MAN2A1: variants seen among roughly 807,000 people sequenced by gnomAD.
MAN2A1 encodes the protein alpha-mannosidase 2.
Under a neutral mutation model 142.6 loss-of-function variants are expected in MAN2A1, and 76 were observed. That is an observed-to-expected ratio of 0.53 (90% CI 0.44 to 0.65). MAN2A1 has a LOEUF of 0.65. Among genes scored for constraint, MAN2A1 ranks in the 30% least tolerant of loss-of-function variants. The pLI is 0.00. For synonymous variants in MAN2A1, 559 were observed against 473.2 expected, an observed-to-expected ratio of 1.18 and a Z score of -2.35; for missense variants, 1,311 against 1,365.1, an observed-to-expected ratio of 0.96 and a Z score of 0.62.
chr5:109,732,002 T>C (rs964731680), intron 4 of MAN2A1, among the ~76,000 whole-genome samples: 7 of 152,062 alleles, frequency 4.6e-5, no homozygotes, highest in Non-Finnish European at 1.0e-4. Flanking sequence ...TTCCCATTTC[T>C]CCACATCCTC....
rs988846301 is a variant in MAN2A1 at position 109,865,844 on chromosome 5, A to G, written c.3282+698A>G. Among the ~76,000 whole-genome samples, 4 of 152,268 alleles carry G rather than the reference A, an allele frequency of 2.6e-5. No homozygotes were observed. The East Asian group carries it at 5.8e-4, about 22-fold the overall frequency. On this transcript the variant is annotated intron_variant, in intron 21 of 21. Transcript: ENST00000261483. ...GTCCTTGAAAGGAAACAAACCTCCA[A>G]TCTCCTGCCTCTGTCACTGAAAGGG...
chr5:109,746,040 T>C (rs1006961197), intron 4 of MAN2A1, among the ~76,000 whole-genome samples: 1 of 152,248 alleles, frequency 6.6e-6, no homozygotes, highest in East Asian at 1.9e-4. Flanking sequence ...AGTATTGCAG[T>C]CTTGGCTCAC....
At position 109,833,446 on chromosome 5, in the gene MAN2A1, T is replaced by C. The variant is rs554800720; in HGVS notation, c.2567-8882T>C. On this transcript the variant is annotated intron_variant, in intron 16 of 21. Transcript: ENST00000261483. The stretch of plus-strand genomic sequence containing the variant: ...ACCTCAGGAGGCCGAGGCTAGCAGA[T>C]CACTCGTGGTTAGGAGCTGGAGACC... 3.9e-5 allele frequency among the ~76,000 whole-genome samples: 6 copies of C among 152,166 alleles called. No individual in the cohort carries two copies. The South Asian group carries it at 1.0e-3, about 26-fold the overall frequency.
At position 109,760,911 on chromosome 5, in the gene MAN2A1, G is replaced by A. The variant is rs1042288914; in HGVS notation, c.835+5455G>A. Among the ~76,000 whole-genome samples the A allele has an allele frequency of 2.0e-5, 3 of 151,610 alleles. No homozygotes were observed. In the East Asian group the frequency reaches 5.8e-4, roughly 29 times the overall value. ...CTAGCTATACTAGTAAAGGGTTGTT[G>A]CCTTTTTTAAAATTTGTAGATATTC... On this transcript the variant is annotated intron_variant, in intron 5 of 21. Coordinates refer to ENST00000261483, the MANE Select transcript of MAN2A1 (RefSeq NM_002372.4).
chr5:109,703,832 A>G (rs556002713), intron 1 of MAN2A1, among the ~76,000 whole-genome samples: 1 of 152,334 alleles, frequency 6.6e-6, no homozygotes, highest in Non-Finnish European at 1.5e-5. Flanking sequence ...TCTGTTTTGC[A>G]TAGTCTCATT....
chr5:109,761,457 C>T (rs1253204413), intron 5 of MAN2A1, among the ~76,000 whole-genome samples: 4 of 151,838 alleles, frequency 2.6e-5, no homozygotes, highest in Admixed American at 1.3e-4. Context: ...TTCTTATAGC[C>T]GTCTATCAAT....
intron 1 of MAN2A1, among the ~76,000 whole-genome samples, chr5:109,705,882 C>T (rs1751116505): frequency 6.6e-6 from 1 of 152,188 alleles, no homozygotes; most frequent in Non-Finnish European, 1.5e-5. Flanking sequence ...TCACATCTCC[C>T]TCTCTGGCCT....
Position 109,833,698 on chromosome 5 carries a change from GGA to G in MAN2A1, c.2567-8628_2567-8627del, listed in dbSNP as rs1455367248. Among the ~76,000 whole-genome samples the G allele has an allele frequency of 1.8e-3, 266 of 150,512 alleles. 3 individuals are homozygous for G. The highest frequency in any genetic ancestry group is 6.3e-3 in the African/African-American group (256 of 40,794). On this transcript the variant is annotated intron_variant, in intron 16 of 21. Transcript: ENST00000261483. ...AGGGAGAGGGAGACTGTGGGGAGGG[GGA>G]GGGGGAGGGGGAGAGGGATTGAAGG... is the stretch of plus-strand genomic sequence containing the variant.
At chr5:109,775,879 A>G (rs1428922870) in intron 8 of MAN2A1, among the ~76,000 whole-genome samples, 1 of 152,100 alleles carries the variant, frequency 6.6e-6, no homozygotes, top group Non-Finnish European at 1.5e-5. Flanking sequence ...CAATAATCAT[A>G]TATTGCATTT....
Position 109,868,553 on chromosome 5 carries a change from C to G in MAN2A1, c.*1555C>G, listed in dbSNP as rs2671. The G allele has an allele frequency of 6.6e-6, 1 of 152,152 alleles. No homozygotes were observed. Among genetic ancestry groups the G allele is most frequent in the Non-Finnish European group, 1.5e-5 (1 of 68,012 alleles). The allele number at this position is 152,152 out of a possible 1,614,324, so 9.4% of individuals were successfully genotyped here. A position where few individuals can be genotyped will look rare whatever the true frequency, so the allele number is the denominator to read the frequency against. On this transcript the variant is annotated 3_prime_UTR_variant, in exon 22 of 22. Transcript: ENST00000261483. ...ATAGAGAAATAAAAACCCAATTTCT[C>G]TTTCACCATTTAGTTTGATTATCAT...
intron 8 of MAN2A1, among the ~76,000 whole-genome samples, chr5:109,779,565 G>GTGCACACA (rs949932335): frequency 1.4e-5 from 1 of 73,222 alleles, no homozygotes; most frequent in African/African-American, 7.5e-5. Flanking sequence ...ACACACGCGT[G>GTGCACACA]CACACACACA....
chr5:109,758,398 A>T (rs912981780), intron 5 of MAN2A1, among the ~76,000 whole-genome samples: 1 of 151,440 alleles, frequency 6.6e-6, no homozygotes, highest in Non-Finnish European at 1.5e-5. Flanking sequence ...TTGACTTAGA[A>T]TTTTTTTTAT....
intron 4 of MAN2A1, among the ~76,000 whole-genome samples, chr5:109,740,407 G>A (rs1045630528): frequency 6.6e-5 from 10 of 152,182 alleles, no homozygotes; most frequent in African/African-American, 2.2e-4. Flanking sequence ...TTGTTTTTGT[G>A]TGGCCTGTAA....
chr5:109,823,623 A>T (rs1166332103), intron 15 of MAN2A1, 100 bp from the exon 16 acceptor site: 6 of 648,564 alleles, frequency 9.3e-6, no homozygotes, highest in Non-Finnish European at 1.6e-5. Context: ...TGCAAATATC[A>T]GGTGATACGT....
At chr5:109,772,894 G>A (rs1753187523) in intron 7 of MAN2A1, among the ~76,000 whole-genome samples, 1 of 152,150 alleles carries the variant, frequency 6.6e-6, no homozygotes, top group Non-Finnish European at 1.5e-5. Context: ...AGCTCAGCAG[G>A]TTCTTCTACT....
chr5:109,791,375 A>G (rs1054455967), intron 12 of MAN2A1, among the ~76,000 whole-genome samples: 15 of 152,094 alleles, frequency 9.9e-5, no homozygotes, highest in African/African-American at 3.6e-4. Context: ...CAGTAAAAAT[A>G]GATGAACAAT....
chr5:109,804,395 C>A, intron 12 of MAN2A1: 2 of 443,736 alleles, frequency 4.5e-6, no homozygotes, highest in Non-Finnish European at 6.0e-6. Flanking sequence ...TGTGAAATCG[C>A]GTTACTTTTC....
chr5:109,861,760 G>A (rs541852942), intron 20 of MAN2A1, among the ~76,000 whole-genome samples: 5 of 152,122 alleles, frequency 3.3e-5, no homozygotes, highest in Non-Finnish European at 7.4e-5. Flanking sequence ...TGTCTTGCAT[G>A]GGAACAAGAA....
chr5:109,864,923 T>C lies in MAN2A1; in HGVS notation c.3172-113T>C. ...GAGGAGAAATGAATTTGCCTAACTTTCTTGCTAAATAAATGTGCTTTTGGA... is the reference window on the plus strand; with the variant it reads ...GAGGAGAAATGAATTTGCCTAACTTCCTTGCTAAATAAATGTGCTTTTGGA... On this transcript the variant is annotated intron_variant, in intron 20 of 21. Transcript: ENST00000261483. 4 of 749,140 alleles carry C rather than the reference T, an allele frequency of 5.3e-6. No homozygotes were observed. In the South Asian group the frequency reaches 6.4e-5, roughly 12 times the overall value. The allele number at this position is 749,140 out of a possible 1,614,324, so 46.4% of individuals were successfully genotyped here.
Sources: allele counts gnomAD v4.1 joint callset (sites outside exome capture counted in the v4.1 genomes callset), GRCh38; gene constraint gnomAD v4.1.1; transcripts MANE v1.5; gene names NCBI Gene and HGNC (gene_info 2026-07-23, HGNC 2026-07-21).